ZNF737: variants seen among roughly 807,000 people sequenced by gnomAD.
The protein encoded by ZNF737 is zinc finger protein 737, also known as zinc finger protein 102 (Y3).
In ZNF737, 13 loss-of-function variants were observed where a neutral mutation model predicts 11.7. That is an observed-to-expected ratio of 1.11 (90% CI 0.73 to 1.77). The LOEUF (loss-of-function observed/expected upper bound fraction) is 1.77, where lower values mean the gene tolerates loss of function less well. ZNF737 is among the 40% of genes most tolerant of loss of function. The probability of loss-of-function intolerance (pLI) is 0.00; values close to 1 mark genes in which losing one functional copy is unlikely to be tolerated. For missense variants in ZNF737, 636 were observed against 638.0 expected (o/e 1.00, Z 0.03); for synonymous variants, 217 against 216.2 (o/e 1.00, Z -0.03).
downstream of ZNF737, among the ~76,000 whole-genome samples, chr19:20,536,408 G>A (rs1225292053): frequency 1.3e-5 from 2 of 152,094 alleles, no homozygotes; most frequent in Non-Finnish European, 2.9e-5. Flanking sequence ...TTTCATATAA[G>A]TATTCAATTT....
In ZNF737 at chr19:20,539,906, C is replaced by T. The variant is rs1189431460; in HGVS notation, c.*4686G>A. 1 of 984,196 alleles carries T rather than the reference C, an allele frequency of 1.0e-6. No individual in the cohort carries two copies. The highest frequency in any genetic ancestry group is 1.2e-6 in the Non-Finnish European group (1 of 829,280). 61.0% of individuals were successfully genotyped at this position (984,196 alleles called of 1,614,324 possible). On this transcript the variant is annotated 3_prime_UTR_variant, in exon 4 of 4. Coordinates refer to ENST00000427401, the MANE Select transcript of ZNF737 (RefSeq NM_001159293.2). ...TATCCCAGAGGCTGATCATTCACTACAGCTTACTAAATACTGTTCCATAAT... is the reference window on the plus strand; with the variant it reads ...TATCCCAGAGGCTGATCATTCACTATAGCTTACTAAATACTGTTCCATAAT...
In ZNF737 at chr19:20,543,875, C is replaced by G. The variant is rs1555755702; in HGVS notation, c.*717G>C. ...GGGCGTCGTGGCTCACGCCTGTAATCCCAGCACTTTAGGAGGCCAAGGTGG... is the reference window on the plus strand; with the variant it reads ...GGGCGTCGTGGCTCACGCCTGTAATGCCAGCACTTTAGGAGGCCAAGGTGG... On this transcript the variant is annotated 3_prime_UTR_variant, in exon 4 of 4. Coordinates refer to ENST00000427401, the MANE Select transcript of ZNF737 (RefSeq NM_001159293.2). The G allele has an allele frequency of 4.1e-6, 4 of 983,026 alleles. No individual in the cohort carries two copies. Among genetic ancestry groups the G allele is most frequent in the Non-Finnish European group, 4.8e-6 (4 of 828,006 alleles). 60.9% of individuals were successfully genotyped at this position (983,026 alleles called of 1,614,324 possible).
Position 20,544,894 on chromosome 19 carries a change from A to C in ZNF737, c.1309T>G (p.Phe437Val). The C allele has an allele frequency of 6.2e-7, 1 of 1,612,644 alleles. No homozygotes were observed. Among genetic ancestry groups the C allele is most frequent in the Non-Finnish European group, 8.5e-7 (1 of 1,179,672 alleles). ...CTCTTATGTGTAGTAAGGATAGAGAAGCACTTAAAGGCCTTGCCACATTCT... is the reference window on the plus strand; with the variant it reads ...CTCTTATGTGTAGTAAGGATAGAGACGCACTTAAAGGCCTTGCCACATTCT... ...CEECGKAFKC[F>V]SILTTHKRIH... The change falls in exon 4 of 4, where the codon TTC (phenylalanine) becomes GTC (valine). Residue 437 changes from phenylalanine (F) to valine (V), a missense_variant. Coordinates refer to ENST00000427401, the MANE Select transcript of ZNF737 (RefSeq NM_001159293.2).
In ZNF737 at chr19:20,540,857, C is replaced by A. The variant is rs1968174263; in HGVS notation, c.*3735G>T. 1.1e-6 allele frequency: 1 copy of A among 943,916 alleles called. No homozygotes were observed. Among genetic ancestry groups the A allele is most frequent in the Non-Finnish European group, 1.3e-6 (1 of 792,404 alleles). 58.5% of individuals were successfully genotyped at this position (943,916 alleles called of 1,614,324 possible). On this transcript the variant is annotated 3_prime_UTR_variant, in exon 4 of 4. Transcript: ENST00000427401. ...AACTACTTTTTAGTTTTATTCATTA[C>A]AAATAACTATTTTTCTGGCTTAAAT...
At chr19:20,565,429 C>T (rs2144718593) in intron 1 of ZNF737, among the ~76,000 whole-genome samples, 1 of 152,266 alleles carries the variant, frequency 6.6e-6, no homozygotes, top group East Asian at 1.9e-4. Flanking sequence ...AGTCACTACG[C>T]AGGGAAGACA....
At chr19:20,536,595 G>A (rs1967976003), downstream of ZNF737, among the ~76,000 whole-genome samples, 12 of 152,030 alleles carry the variant, frequency 7.9e-5, no homozygotes, top group Admixed American at 7.9e-4. Context: ...AGATCACAGG[G>A]TCAGGAGCTC....
Position 20,552,498 on chromosome 19 carries a change from T to C in ZNF737, c.203A>G (p.His68Arg), listed in dbSNP as rs782466730. 3 of 1,595,352 alleles carry C rather than the reference T, an allele frequency of 1.9e-6. No individual in the cohort carries two copies. Among genetic ancestry groups the C allele is most frequent in the Non-Finnish European group, 2.6e-6 (3 of 1,173,552 alleles). Residue 68 changes from histidine (H) to arginine (R), a missense_variant, in exon 3 of 4, where the codon CAT (histidine) becomes CGT (arginine). By Grantham distance (29) the His-to-Arg change is conservative. Coordinates refer to ENST00000427401, the MANE Select transcript of ZNF737 (RefSeq NM_001159293.2). ...ACCTGAGGGGTTGGCTACCATCTCATGTTTCTTCATGGTCAAAGGTTTTTT... is the reference window on the plus strand; with the variant it reads ...ACCTGAGGGGTTGGCTACCATCTCACGTTTCTTCATGGTCAAAGGTTTTTT... ...QGKKPLTMKKHEMVANPSVTC... is the reference protein window; with the variant it reads ...QGKKPLTMKKREMVANPSVTC...
chr19:20,553,624 G>A, intron 2 of ZNF737, 85 bp downstream of exon 2: 1 of 1,355,590 alleles, frequency 7.4e-7, no homozygotes. Flanking sequence ...TTTTATAAAA[G>A]AATAAATTAC....
intron 1 of ZNF737, among the ~76,000 whole-genome samples, chr19:20,560,172 CAAAAAAAA>C (rs71172600): frequency 1.4e-5 from 1 of 70,736 alleles, no homozygotes; most frequent in Non-Finnish European, 2.5e-5. Flanking sequence ...GACTCCGTCT[CAAAAAAAA>C]AAAAAAAAAA....
At chr19:20,552,864 T>C (rs1040797628) in intron 2 of ZNF737, among the ~76,000 whole-genome samples, 4 of 151,740 alleles carry the variant, frequency 2.6e-5, no homozygotes, top group South Asian at 4.2e-4. Flanking sequence ...ATACAAACAT[T>C]AGCCAAACAC....
chr19:20,534,417 G>C (rs1223463019), downstream of ZNF737, among the ~76,000 whole-genome samples: 1 of 148,256 alleles, frequency 6.7e-6, no homozygotes, highest in Non-Finnish European at 1.5e-5. Flanking sequence ...ACTCCAGCCT[G>C]AGCAAGAGTG....
rs33933 is a variant in ZNF737, at chr19:20,541,773, T to C, written c.*2819A>G. On this transcript the variant is annotated 3_prime_UTR_variant, in exon 4 of 4. Coordinates refer to ENST00000427401, the MANE Select transcript of ZNF737 (RefSeq NM_001159293.2). ...TAATTATTATGATCATAGAAATAAT[T>C]CTGTAGTCAATAACAATTTAATTGT... is the stretch of plus-strand genomic sequence containing the variant. 0.61 allele frequency among the ~76,000 whole-genome samples: 92,374 copies of C among 152,064 alleles called. 28,429 individuals are homozygous for C. The highest frequency in any genetic ancestry group is 0.75 in the East Asian group (3,893 of 5,176).
chr19:20,552,951 T>G (rs1236604395), intron 2 of ZNF737, among the ~76,000 whole-genome samples: 3 of 149,486 alleles, frequency 2.0e-5, no homozygotes, highest in Admixed American at 1.4e-4. Flanking sequence ...GGTGGATGTT[T>G]CAGTAAGCTG....
chr19:20,540,988 AT>A lies in ZNF737; in HGVS notation c.*3603del, dbSNP rs34579625. ...TTCATTCAAATAAGTGTTAAAAATG[AT>A]TTTTTTTTCCTGTTTTAAGAGGGCT... On this transcript the variant is annotated 3_prime_UTR_variant, in exon 4 of 4. Transcript: ENST00000427401. 2.1e-6 allele frequency: 2 copies of A among 971,728 alleles called. No individual in the cohort carries two copies. Among genetic ancestry groups the A allele is most frequent in the Non-Finnish European group, 2.4e-6 (2 of 818,224 alleles). 60.2% of individuals were successfully genotyped at this position (971,728 alleles called of 1,614,324 possible). A position where few individuals can be genotyped will look rare whatever the true frequency, so the allele number is the denominator to read the frequency against.
chr19:20,532,390 C>A (rs1967851733), downstream of ZNF737, among the ~76,000 whole-genome samples: 1 of 149,588 alleles, frequency 6.7e-6, no homozygotes, highest in African/African-American at 2.5e-5. Context: ...TTTTAAGGGT[C>A]ATATGCAGAA....
downstream of ZNF737, among the ~76,000 whole-genome samples, chr19:20,536,369 T>A (rs1178159542): frequency 2.0e-5 from 3 of 152,200 alleles, no homozygotes; most frequent in Non-Finnish European, 4.4e-5. Flanking sequence ...TTGTACAACA[T>A]CAAATGCTAA....
At chr19:20,534,316 C>T (rs1967900449), downstream of ZNF737, among the ~76,000 whole-genome samples, 1 of 149,856 alleles carries the variant, frequency 6.7e-6, no homozygotes, top group Non-Finnish European at 1.5e-5. Flanking sequence ...GTTGTGGGTG[C>T]CTGTAATACC....
chr19:20,560,937 T>C (rs1419520868), intron 1 of ZNF737, among the ~76,000 whole-genome samples: 1 of 152,096 alleles, frequency 6.6e-6, no homozygotes, highest in African/African-American at 2.4e-5. Flanking sequence ...GGTGGAAGAC[T>C]AAGAGAATCA....
At chr19:20,552,134 C>A (rs1250505821) in intron 3 of ZNF737, among the ~76,000 whole-genome samples, 1 of 151,922 alleles carries the variant, frequency 6.6e-6, no homozygotes, top group African/African-American at 2.4e-5. Flanking sequence ...AGAAATAATT[C>A]TCAAAATCAT....
Sources: allele counts gnomAD v4.1 joint callset (sites outside exome capture counted in the v4.1 genomes callset), GRCh38; gene constraint gnomAD v4.1.1; transcripts MANE v1.5; gene names NCBI Gene and HGNC (gene_info 2026-07-23, HGNC 2026-07-21).